The following EPHA5 variants were observed in gnomAD, a reference collection of about 807,000 sequenced individuals.
EPHA5 encodes the protein ephrin type-A receptor 5.
In EPHA5, 60 loss-of-function variants were observed where a neutral mutation model predicts 105.0. That is an observed-to-expected ratio of 0.57 (90% CI 0.46 to 0.71). The LOEUF (loss-of-function observed/expected upper bound fraction) is 0.71. Among genes scored for constraint, EPHA5 ranks in the 30% least tolerant of loss-of-function variants. The probability of loss-of-function intolerance (pLI) is 0.00; values close to 1 mark genes in which losing one functional copy is unlikely to be tolerated. For missense variants in EPHA5, 1,218 were observed against 1,274.7 expected, an observed-to-expected ratio of 0.96 and a Z score of 0.68; for synonymous variants, 513 against 449.1, an observed-to-expected ratio of 1.14 and a Z score of -1.80.
intron 5 of EPHA5, among the ~76,000 whole-genome samples, chr4:65,477,664 C>T (rs1324196454): frequency 2.6e-5 from 4 of 152,044 alleles, no homozygotes; most frequent in East Asian, 1.9e-4. Context: ...ACCCCTGCCT[C>T]GGCCTCCCAA....
chr4:65,347,727 G>A (rs1336185577), intron 14 of EPHA5, among the ~76,000 whole-genome samples: 1 of 152,058 alleles, frequency 6.6e-6, no homozygotes, highest in Non-Finnish European at 1.5e-5. Context: ...ATAAAAACTT[G>A]CCTGTCAGTA....
intron 6 of EPHA5, among the ~76,000 whole-genome samples, chr4:65,415,908 T>C (rs978629310): frequency 1.3e-5 from 2 of 152,054 alleles, no homozygotes; most frequent in African/African-American, 2.4e-5. Flanking sequence ...TTCTATAAAC[T>C]ATGACAGTTA....
chr4:65,427,185 CTTTTT>C (rs11443682), intron 5 of EPHA5, among the ~76,000 whole-genome samples: 1 of 129,100 alleles, frequency 7.7e-6, no homozygotes, highest in African/African-American at 2.9e-5. Flanking sequence ...CGAGTGTATT[CTTTTT>C]TTTTTTTTTT....
chr4:65,487,465 C>T (rs1730988029), intron 5 of EPHA5, among the ~76,000 whole-genome samples: 1 of 152,138 alleles, frequency 6.6e-6, no homozygotes, highest in Non-Finnish European at 1.5e-5. Flanking sequence ...GGTCATGCAG[C>T]CAGAATCCAC....
At chr4:65,388,808 C>T (rs4860655) in intron 8 of EPHA5, among the ~76,000 whole-genome samples, 3 of 148,544 alleles carry the variant, frequency 2.0e-5, no homozygotes, top group Admixed American at 1.3e-4. Flanking sequence ...TGCAGAAGCT[C>T]TTTAGTTTAA....
chr4:65,596,407 A>G (rs1310748601), intron 3 of EPHA5, among the ~76,000 whole-genome samples: 2 of 152,116 alleles, frequency 1.3e-5, no homozygotes, highest in African/African-American at 4.8e-5. Flanking sequence ...TCCCACCAAC[A>G]ATAATTATCT....
chr4:65,611,429 C>G (rs986496166), intron 2 of EPHA5, among the ~76,000 whole-genome samples: 1 of 150,528 alleles, frequency 6.6e-6, no homozygotes, highest in Non-Finnish European at 1.5e-5. Flanking sequence ...AACTATTTCA[C>G]TTGGGATTCA....
intron 5 of EPHA5, among the ~76,000 whole-genome samples, chr4:65,457,718 C>A (rs1351475369): frequency 6.6e-6 from 1 of 151,806 alleles, no homozygotes; most frequent in African/African-American, 2.4e-5. Flanking sequence ...AGCTAAGCAC[C>A]TACTACACCA....
chr4:65,522,805 T>C (rs907177181), intron 3 of EPHA5, among the ~76,000 whole-genome samples: 1 of 152,002 alleles, frequency 6.6e-6, no homozygotes, highest in East Asian at 1.9e-4. Context: ...CTATTTCCTA[T>C]TCATCCAATT....
chr4:65,502,518 C>T (rs906724436), intron 3 of EPHA5, among the ~76,000 whole-genome samples: 1 of 151,714 alleles, frequency 6.6e-6, no homozygotes, highest in East Asian at 1.9e-4. Flanking sequence ...CATCACCAAT[C>T]GGAGAGATGC....
chr4:65,597,899 G>T (rs1332663003), intron 3 of EPHA5, among the ~76,000 whole-genome samples: 1 of 152,094 alleles, frequency 6.6e-6, no homozygotes, highest in Non-Finnish European at 1.5e-5. Flanking sequence ...CTAGCATTCT[G>T]AATCTTGAAG....
intron 3 of EPHA5, among the ~76,000 whole-genome samples, chr4:65,560,385 T>A (rs1278644354): frequency 6.6e-6 from 1 of 152,064 alleles, no homozygotes; most frequent in Admixed American, 6.6e-5. Flanking sequence ...TTGTCCCGTA[T>A]CACAACTTAA....
intron 2 of EPHA5, among the ~76,000 whole-genome samples, chr4:65,607,531 A>G (rs1744353056): frequency 6.6e-6 from 1 of 152,228 alleles, no homozygotes; most frequent in Admixed American, 6.5e-5. Flanking sequence ...GGATACGAAC[A>G]GACACTTCTC....
intron 4 of EPHA5, among the ~76,000 whole-genome samples, chr4:65,491,983 CT>C (rs1412452452): frequency 1.3e-5 from 2 of 152,106 alleles, no homozygotes; most frequent in African/African-American, 4.8e-5. Context: ...TTGGACATCT[CT>C]CCTTACAGAG....
intron 3 of EPHA5, among the ~76,000 whole-genome samples, chr4:65,579,107 C>G (rs941152561): frequency 6.6e-6 from 1 of 151,470 alleles, no homozygotes; most frequent in Non-Finnish European, 1.5e-5. Flanking sequence ...AGGAAGGGTA[C>G]TTTCTTTATA....
Position 65,323,933 on chromosome 4 carries a change from A to G in EPHA5, c.*181T>C. On this transcript the variant is annotated 3_prime_UTR_variant, in exon 17 of 17. Coordinates refer to ENST00000613740, the MANE Select transcript of EPHA5 (RefSeq NM_001281766.3). Reference sequence around the variant, plus strand: ...GTTTGCTTCATGAAAAATGAAGACTAAGGACTAAGAACTGGATACTTCAGT... The same window carrying G: ...GTTTGCTTCATGAAAAATGAAGACTGAGGACTAAGAACTGGATACTTCAGT... 2.1e-6 allele frequency: 1 copy of G among 466,516 alleles called. No individual in the cohort carries two copies. Among genetic ancestry groups the G allele is most frequent in the Non-Finnish European group, 3.8e-6 (1 of 260,124 alleles). 28.9% of individuals were successfully genotyped at this position (466,516 alleles called of 1,614,324 possible).
chr4:65,353,167 C>T (rs1722984627), intron 11 of EPHA5, 64 bp from the exon 12 acceptor site: 1 of 942,926 alleles, frequency 1.1e-6, no homozygotes, highest in Non-Finnish European at 1.5e-6. Context: ...TCTGGCAAAG[C>T]TTACCCAGAA....
At chr4:65,660,177 T>A (rs59620180) in intron 1 of EPHA5, among the ~76,000 whole-genome samples, 40,915 of 151,952 alleles carry the variant, frequency 0.27, 6,160 homozygotes, top group East Asian at 0.56. Context: ...CAAAATTTTT[T>A]AAAAAAATTC....
intron 1 of EPHA5, among the ~76,000 whole-genome samples, chr4:65,663,552 T>G (rs945916961): frequency 1.3e-5 from 2 of 152,034 alleles, no homozygotes; most frequent in Admixed American, 6.6e-5. Context: ...TTATAGCACT[T>G]TTTCCTTCTG....
Sources: gnomAD v4.1 joint callset for allele counts (sites outside exome capture counted in the v4.1 genomes callset) on GRCh38, gnomAD v4.1.1 for gene constraint, MANE v1.5 for transcripts, NCBI Gene and HGNC (gene_info 2026-07-23, HGNC 2026-07-21) for gene names.